The following PDK1 variants were observed in gnomAD, a reference collection of about 807,000 sequenced individuals.
PDK1 encodes pyruvate dehydrogenase kinase 1.
In PDK1, 39 loss-of-function variants were observed where a neutral mutation model predicts 54.2. The ratio of observed to expected loss-of-function variants is 0.72; its 90% CI spans 0.56 to 0.94. PDK1 has a LOEUF of 0.94. Among genes scored for constraint, PDK1 ranks in the 40% least tolerant of loss-of-function variants. The pLI is 0.00. For synonymous variants in PDK1, 221 were observed against 207.1 expected (o/e 1.07, Z -0.58); for missense variants, 552 against 566.0 (o/e 0.98, Z 0.25).
the PDK1 span, among the ~76,000 whole-genome samples, chr2:172,676,020 C>T: frequency 6.6e-6 from 1 of 152,002 alleles, no homozygotes; most frequent in Non-Finnish European, 1.5e-5. Context: ...CAACAATGCT[C>T]AGATGACAGC....
At chr2:172,613,634 T>C (rs1394709763), downstream of PDK1, among the ~76,000 whole-genome samples, 1 of 152,152 alleles carries the variant, frequency 6.6e-6, no homozygotes, top group Non-Finnish European at 1.5e-5. Context: ...TTTTAACTTA[T>C]TCCCTATCAG....
At chr2:172,570,169 T>C (rs963042029) in intron 7 of PDK1, among the ~76,000 whole-genome samples, 2 of 152,194 alleles carry the variant, frequency 1.3e-5, no homozygotes, top group African/African-American at 4.8e-5. Flanking sequence ...TGTCATGATA[T>C]TGTTTAAGGC....
At chr2:172,714,551 T>C in the PDK1 span, among the ~76,000 whole-genome samples, 1 of 152,124 alleles carries the variant, frequency 6.6e-6, no homozygotes, top group Non-Finnish European at 1.5e-5. Flanking sequence ...AATTTTCTTC[T>C]AGATTTTGTT....
At position 172,599,291 on chromosome 2, in the gene PDK1, C is replaced by T. The variant is rs1270507299; in HGVS notation, c.*3322C>T. On this transcript the variant is annotated 3_prime_UTR_variant, in exon 11 of 11. Transcript: ENST00000282077. ...ATGGGATATAGGCAGCACAATTTCCCTTCATTGTTGAAGCCAACAAGTTCC... is the reference window on the plus strand; with the variant it reads ...ATGGGATATAGGCAGCACAATTTCCTTTCATTGTTGAAGCCAACAAGTTCC... The T allele has an allele frequency of 6.6e-6, 1 of 152,118 alleles. No homozygotes were observed. The highest frequency in any genetic ancestry group is 1.5e-5 in the Non-Finnish European group (1 of 68,034). The allele number at this position is 152,118 out of a possible 1,614,324, so 9.4% of individuals were successfully genotyped here.
At chr2:172,683,834 G>A in the PDK1 span, among the ~76,000 whole-genome samples, 3 of 152,304 alleles carry the variant, frequency 2.0e-5, no homozygotes, top group South Asian at 2.1e-4. Context: ...AAAACCAAGC[G>A]AGTGGTGTGC....
At chr2:172,615,718 C>G in the PDK1 span, among the ~76,000 whole-genome samples, 33,215 of 151,982 alleles carry the variant, frequency 0.22, 3,813 homozygotes, top group Non-Finnish European at 0.25. Flanking sequence ...ATTCCGTGAA[C>G]ACTTTTTGAA....
chr2:172,621,795 A>T, the PDK1 span, among the ~76,000 whole-genome samples: 9 of 112,294 alleles, frequency 8.0e-5, no homozygotes. Flanking sequence ...CATATGTATG[A>T]TATATGTTTA....
At chr2:172,630,051 G>T in the PDK1 span, among the ~76,000 whole-genome samples, 1 of 152,206 alleles carries the variant, frequency 6.6e-6, no homozygotes, top group Non-Finnish European at 1.5e-5. Flanking sequence ...CAAAATGGCT[G>T]CAGAAGCCTA....
chr2:172,582,067 C>T (rs1237673545), intron 8 of PDK1, among the ~76,000 whole-genome samples: 2 of 152,046 alleles, frequency 1.3e-5, no homozygotes, highest in African/African-American at 4.8e-5. Flanking sequence ...CACGCACCAC[C>T]ATACCTGACT....
the PDK1 span, among the ~76,000 whole-genome samples, chr2:172,668,279 T>A: frequency 1.6e-5 from 1 of 61,628 alleles, no homozygotes; most frequent in Non-Finnish European, 2.7e-5. Context: ...TCTTTCTTTA[T>A]TTTTTTTTTT....
intron 7 of PDK1, among the ~76,000 whole-genome samples, chr2:172,570,296 T>C (rs1689174640): frequency 6.6e-6 from 1 of 152,230 alleles, no homozygotes; most frequent in Non-Finnish European, 1.5e-5. Flanking sequence ...CTCCATCAAA[T>C]ACGACCATCG....
the PDK1 span, among the ~76,000 whole-genome samples, chr2:172,628,345 G>A: frequency 4.9e-3 from 743 of 152,240 alleles, 3 homozygotes; most frequent in Middle Eastern, 0.027. Flanking sequence ...CACGGTGCCG[G>A]GCTAATAGAA....
chr2:172,590,963 G>C (rs1322251545), intron 9 of PDK1, among the ~76,000 whole-genome samples: 1 of 152,160 alleles, frequency 6.6e-6, no homozygotes, highest in Non-Finnish European at 1.5e-5. Flanking sequence ...TTGGGAATTG[G>C]GCGATGACCG....
At chr2:172,662,734 T>G in the PDK1 span, among the ~76,000 whole-genome samples, 2 of 152,170 alleles carry the variant, frequency 1.3e-5, no homozygotes, top group Non-Finnish European at 2.9e-5. Context: ...AAAGCACTTC[T>G]TTGCAGCTAA....
At chr2:172,571,465 G>A (rs1689253761) in intron 8 of PDK1, among the ~76,000 whole-genome samples, 1 of 152,216 alleles carries the variant, frequency 6.6e-6, no homozygotes, top group African/African-American at 2.4e-5. Context: ...CTGGGCTCAA[G>A]CAATCCTCCT....
At chr2:172,573,457 TTC>T (rs1262891448) in intron 8 of PDK1, among the ~76,000 whole-genome samples, 1 of 151,924 alleles carries the variant, frequency 6.6e-6, no homozygotes, top group East Asian at 1.9e-4. Context: ...GTTGTAACGG[TTC>T]TCTCTCATGT....
intron 4 of PDK1, 70 bp downstream of exon 4, chr2:172,564,757 G>C (rs1216865803): frequency 7.2e-7 from 1 of 1,379,564 alleles, no homozygotes; most frequent in East Asian, 2.3e-5. Context: ...ATTTATTTAG[G>C]AAAGTTCCAT....
the PDK1 span, among the ~76,000 whole-genome samples, chr2:172,707,487 A>G: frequency 6.6e-6 from 1 of 152,084 alleles, no homozygotes; most frequent in Admixed American, 6.5e-5. Context: ...TTTGTTGGGC[A>G]TTTATTGTCT....
chr2:172,698,139 A>C, the PDK1 span, among the ~76,000 whole-genome samples: 1 of 152,196 alleles, frequency 6.6e-6, no homozygotes, highest in Non-Finnish European at 1.5e-5. Flanking sequence ...AATACTTCCT[A>C]AAACCAGTTT....
Sources: gnomAD v4.1 joint callset for allele counts (sites outside exome capture counted in the v4.1 genomes callset) on GRCh38, gnomAD v4.1.1 for gene constraint, MANE v1.5 for transcripts, NCBI Gene and HGNC (gene_info 2026-07-23, HGNC 2026-07-21) for gene names.